Variants in OR10H5 observed in about 807,000 individuals in gnomAD.
OR10H5 encodes the protein olfactory receptor 10H5.
In OR10H5, 7 loss-of-function variants were observed where a neutral mutation model predicts 12.2. That is an observed-to-expected ratio of 0.57 (90% confidence interval 0.33 to 1.07). OR10H5 has a LOEUF of 1.07. Among genes scored for constraint, OR10H5 ranks in the 50% least tolerant of loss-of-function variants. The pLI, the probability that OR10H5 is intolerant of heterozygous loss-of-function variation, is 0.04. For missense variants in OR10H5, 346 were observed against 411.6 expected (o/e 0.84, Z 1.38); for synonymous variants, 159 against 175.1 (o/e 0.91, Z 0.73).
intron 1 of OR10H5, among the ~76,000 whole-genome samples, chr19:15,788,201 C>T (rs966376859): frequency 3.3e-5 from 5 of 152,072 alleles, no homozygotes; most frequent in African/African-American, 7.2e-5. Flanking sequence ...TTCAAAGTGC[C>T]GCAAACCTTG....
Position 15,797,183 on chromosome 19 carries a change from G to A in OR10H5, c.*2187G>A, listed in dbSNP as rs959663916. ...AGGGCACTTAACTACTAATATCTGG[G>A]GGGGCATTCTTTGCCTCCCCTATAA... On this transcript the variant is annotated 3_prime_UTR_variant, in exon 2 of 2. Transcript: ENST00000642092. 1 of 152,068 alleles carries A rather than the reference G, an allele frequency of 6.6e-6. No homozygotes were observed. Among genetic ancestry groups the A allele is most frequent in the African/African-American group, 2.4e-5 (1 of 41,406 alleles). The allele number at this position is 152,068 out of a possible 1,614,324, so 9.4% of individuals were successfully genotyped here. A position where few individuals can be genotyped will look rare whatever the true frequency, so the allele number is the denominator to read the frequency against.
chr19:15,788,026 C>G (rs2088790907), intron 1 of OR10H5, among the ~76,000 whole-genome samples: 1 of 152,022 alleles, frequency 6.6e-6, no homozygotes, highest in Non-Finnish European at 1.5e-5. Flanking sequence ...GGAGTGGTCT[C>G]TATACTAAGT....
intron 1 of OR10H5, among the ~76,000 whole-genome samples, chr19:15,788,078 T>G (rs1483563263): frequency 6.6e-6 from 1 of 152,006 alleles, no homozygotes; most frequent in Non-Finnish European, 1.5e-5. Flanking sequence ...TGACATTGAG[T>G]GTGTCACCAT....
At chr19:15,788,551 T>C (rs1383590612) in intron 1 of OR10H5, among the ~76,000 whole-genome samples, 1 of 152,058 alleles carries the variant, frequency 6.6e-6, no homozygotes, top group African/African-American at 2.4e-5. Context: ...CAGGCTGGAG[T>C]GCAGTGGCAC....
intron 1 of OR10H5, among the ~76,000 whole-genome samples, chr19:15,792,334 C>T (rs2088813294): frequency 6.6e-6 from 1 of 151,992 alleles, no homozygotes; most frequent in Non-Finnish European, 1.5e-5. Context: ...TTTTAAGGGT[C>T]CTCATCTTAG....
Position 15,799,278 on chromosome 19 carries a change from C to T in OR10H5, c.*4282C>T, listed in dbSNP as rs79404764. The stretch of plus-strand genomic sequence containing the variant: ...GGACCCCAGGAACCTTGCATCTACT[C>T]TTTTTTTTTTCTTCAGAGATTGGGG... On this transcript the variant is annotated 3_prime_UTR_variant, in exon 2 of 2. Coordinates refer to ENST00000642092, the MANE Select transcript of OR10H5 (RefSeq NM_001004466.2). 6.7e-6 allele frequency: 1 copy of T among 149,966 alleles called. No homozygotes were observed. The highest frequency in any genetic ancestry group is 2.5e-5 in the African/African-American group (1 of 40,816). The allele number at this position is 149,966 out of a possible 1,614,324, so 9.3% of individuals were successfully genotyped here.
At chr19:15,793,929 T>A in intron 1 of OR10H5, 109 bp from the exon 2 acceptor site, 2 of 913,508 alleles carry the variant, frequency 2.2e-6, no homozygotes, top group Non-Finnish European at 3.4e-6. Context: ...GGAGTAACCA[T>A]GGCTTGGACA....
In OR10H5 at chr19:15,794,447, C is replaced by T. The variant is rs139269204; in HGVS notation, c.399C>T (p.Asn133=). 9.3e-5 allele frequency: 150 copies of T among 1,614,264 alleles called. No homozygotes were observed. Among genetic ancestry groups the T allele is most frequent in the Non-Finnish European group, 1.2e-4 (138 of 1,180,050 alleles). The part of the protein sequence containing the change: ...YVAICHPLRY[N]VLMSLRGCTC... ...CCATCTGCCACCCCCTGCGTTACAA[C>T]GTGCTCATGAGCCTGCGGGGCTGCA... Residue 133 remains asparagine (N), a synonymous_variant, in exon 2 of 2, where the codon AAC becomes AAT. Transcript: ENST00000642092.
At chr19:15,788,708 C>T (rs912184608) in intron 1 of OR10H5, among the ~76,000 whole-genome samples, 6 of 151,936 alleles carry the variant, frequency 3.9e-5, no homozygotes, top group South Asian at 2.1e-4. Context: ...AGGCTGGTCT[C>T]GAACTCCTGG....
intron 1 of OR10H5, among the ~76,000 whole-genome samples, chr19:15,791,787 G>A (rs1362259453): frequency 6.6e-6 from 1 of 151,816 alleles, no homozygotes; most frequent in Non-Finnish European, 1.5e-5. Context: ...CTGCCTCCTG[G>A]GTTCATGCCA....
rs1468131072 is a variant in OR10H5, at chr19:15,795,123, C to A, written c.*127C>A. On this transcript the variant is annotated 3_prime_UTR_variant, in exon 2 of 2. Coordinates refer to ENST00000642092, the MANE Select transcript of OR10H5 (RefSeq NM_001004466.2). Reference sequence around the variant, plus strand: ...CCTTCCTTCCTTCTTTCCTTCCTCCCTCCCTCCTTTCCTCCCTCCTTCTCT... The same window carrying A: ...CCTTCCTTCCTTCTTTCCTTCCTCCATCCCTCCTTTCCTCCCTCCTTCTCT... The A allele has an allele frequency of 2.2e-4, 180 of 806,454 alleles. 2 individuals are homozygous for A. The highest frequency in any genetic ancestry group is 3.2e-4 in the Non-Finnish European group (169 of 528,004). The allele number at this position is 806,454 out of a possible 1,614,324, so 50.0% of individuals were successfully genotyped here.
rs144903523 is a variant in OR10H5, at chr19:15,794,584, G to T, written c.536G>T (p.Cys179Phe). 5.6e-6 allele frequency: 9 copies of T among 1,614,190 alleles called. No individual in the cohort carries two copies. The East Asian group carries it at 2.0e-4, about 36-fold the overall frequency. The change falls in exon 2 of 2, where the codon TGC (cysteine) becomes TTC (phenylalanine). Residue 179 changes from cysteine (C) to phenylalanine (F), a missense_variant. Transcript: ENST00000642092. ...CGHKEIHHFF[C>F]HVPPLLKLAC... ...CACAAGGAGATCCACCATTTCTTCT[G>T]CCACGTGCCACCTCTGTTGAAGTTG...
chr19:15,794,197 G>T lies in OR10H5; in HGVS notation c.149G>T (p.Trp50Leu). ...LGNLLIMATV[W>L]SERSLHMPMY... ...AACCTGCTCATCATGGCCACTGTCT[G>T]GAGCGAGCGCAGCCTCCACATGCCC... Residue 50 changes from tryptophan to leucine, a missense_variant, in exon 2 of 2, where the codon TGG (tryptophan) becomes TTG (leucine). Physicochemically the swap from Trp to Leu is moderately conservative, Grantham distance 61. Coordinates refer to ENST00000642092, the MANE Select transcript of OR10H5 (RefSeq NM_001004466.2). 6.2e-7 allele frequency: 1 copy of T among 1,614,122 alleles called. No individual in the cohort carries two copies.
rs746287900 is a variant in OR10H5 at position 15,794,335 on chromosome 19, C to T, written c.287C>T (p.Ala96Val). ...LSTQRSIAFL[A>V]CASQMFFSFS... is the part of the protein sequence containing the mutation. ...ACCCAGCGCTCCATCGCCTTCCTGG[C>T]CTGTGCCAGTCAGATGTTCTTCTCC... The change falls in exon 2 of 2, where the codon GCC becomes GTC. Residue 96 changes from alanine (A) to valine (V), a missense_variant. Physicochemically the swap from Ala to Val is moderately conservative, Grantham distance 64. Transcript: ENST00000642092. The T allele has an allele frequency of 6.2e-7, 1 of 1,614,146 alleles. No homozygotes were observed. The highest frequency in any genetic ancestry group is 1.7e-5 in the Admixed American group (1 of 60,018).
chr19:15,792,101 A>G (rs2088812292), intron 1 of OR10H5, among the ~76,000 whole-genome samples: 1 of 152,096 alleles, frequency 6.6e-6, no homozygotes, highest in Non-Finnish European at 1.5e-5. Flanking sequence ...TTCACCCACC[A>G]GTGCTGCAGA....
intron 1 of OR10H5, among the ~76,000 whole-genome samples, chr19:15,792,451 A>C (rs1364332387): frequency 6.6e-6 from 1 of 152,026 alleles, no homozygotes; most frequent in African/African-American, 2.4e-5. Flanking sequence ...GCCGGCCCTC[A>C]ATCTTAAATT....
rs763060895 is a variant in OR10H5, at chr19:15,794,419, T to A, written c.371T>A (p.Val124Glu). 1 of 1,614,252 alleles carries A rather than the reference T, an allele frequency of 6.2e-7. No individual in the cohort carries two copies. The highest frequency in any genetic ancestry group is 1.1e-5 in the South Asian group (1 of 91,082). The change falls in exon 2 of 2, where the codon GTG (valine) becomes GAG (glutamate). Residue 124 changes from valine (V) to glutamate (E), a missense_variant. Coordinates refer to ENST00000642092, the MANE Select transcript of OR10H5 (RefSeq NM_001004466.2). ...LLTVMGYDRY[V>E]AICHPLRYNV... Reference sequence around the variant, plus strand: ...ACTGTCATGGGCTACGACCGCTACGTGGCCATCTGCCACCCCCTGCGTTAC... The same window carrying A: ...ACTGTCATGGGCTACGACCGCTACGAGGCCATCTGCCACCCCCTGCGTTAC...
intron 1 of OR10H5, among the ~76,000 whole-genome samples, chr19:15,790,936 C>A (rs527939450): frequency 5.3e-5 from 8 of 152,154 alleles, no homozygotes; most frequent in South Asian, 4.2e-4. Context: ...TATTCGAAAA[C>A]GTGCTATCAC....
intron 1 of OR10H5, among the ~76,000 whole-genome samples, chr19:15,788,367 T>C (rs1266118125): frequency 6.6e-6 from 1 of 152,216 alleles, no homozygotes; most frequent in Non-Finnish European, 1.5e-5. Flanking sequence ...GATTGATTTG[T>C]AGCTGCATCG....
Sources: gnomAD v4.1 joint callset for allele counts (sites outside exome capture counted in the v4.1 genomes callset) on GRCh38, gnomAD v4.1.1 for gene constraint, MANE v1.5 for transcripts, NCBI Gene and HGNC (gene_info 2026-07-23, HGNC 2026-07-21) for gene names.